The following RAB38 variants were observed in gnomAD, a reference collection of about 807,000 sequenced individuals.
RAB38 encodes the protein ras-related protein Rab-38.
RAB38 carries 15 observed loss-of-function variants against 18.4 expected under a neutral mutation model. The observed-to-expected ratio is 0.82, with a 90% CI of 0.55 to 1.26. The LOEUF (loss-of-function observed/expected upper bound fraction) is 1.26. RAB38 is among the 50% of genes most tolerant of loss of function. The pLI, the probability that RAB38 is intolerant of heterozygous loss-of-function variation, is 0.00. For missense variants in RAB38, 294 were observed against 267.4 expected (o/e 1.10, Z -0.69); for synonymous variants, 101 against 104.4 (o/e 0.97, Z 0.20).
chr11:88,022,832 G>C, the RAB38 span, among the ~76,000 whole-genome samples: 4 of 151,998 alleles, frequency 2.6e-5, no homozygotes, highest in South Asian at 2.1e-4. Context: ...TTACTATTGT[G>C]AACAGTGCTG....
At chr11:88,038,364 G>C in the RAB38 span, among the ~76,000 whole-genome samples, 485 of 152,262 alleles carry the variant, frequency 3.2e-3, 3 homozygotes, top group Middle Eastern at 0.014. Flanking sequence ...CAATTGCAAT[G>C]TTGATTTTTA....
At chr11:87,893,276 T>C in the RAB38 span, among the ~76,000 whole-genome samples, 1 of 126,172 alleles carries the variant, frequency 7.9e-6, no homozygotes, top group African/African-American at 2.9e-5. Context: ...GTGTCCTTTT[T>C]TTCCAGATTT....
At chr11:87,880,638 G>T in the RAB38 span, among the ~76,000 whole-genome samples, 1 of 151,804 alleles carries the variant, frequency 6.6e-6, no homozygotes, top group Non-Finnish European at 1.5e-5. Flanking sequence ...TTCAGTGAGA[G>T]CAGAAAGAAT....
the RAB38 span, among the ~76,000 whole-genome samples, chr11:87,854,822 T>G: frequency 6.6e-6 from 1 of 152,066 alleles, no homozygotes; most frequent in African/African-American, 2.4e-5. Context: ...TGAGATGGAG[T>G]CTGGCTCTGT....
the RAB38 span, among the ~76,000 whole-genome samples, chr11:87,941,214 GATATATATATATAT>G: frequency 5.9e-4 from 37 of 62,556 alleles, 4 homozygotes; most frequent in Admixed American, 2.8e-3. Flanking sequence ...AAATATATGA[GATATATATATATAT>G]ATATATATAT....
chr11:88,152,576 C>A (rs1943076304), intron 1 of RAB38, among the ~76,000 whole-genome samples: 1 of 152,092 alleles, frequency 6.6e-6, no homozygotes, highest in South Asian at 2.1e-4. Context: ...TTTTGGCATT[C>A]CAGCAAGAGG....
chr11:87,830,220 C>G, the RAB38 span, among the ~76,000 whole-genome samples: 5 of 152,072 alleles, frequency 3.3e-5, no homozygotes, highest in Non-Finnish European at 5.9e-5. Context: ...GTGACTCATG[C>G]CTATAATCCC....
chr11:87,968,621 G>A, the RAB38 span, among the ~76,000 whole-genome samples: 6 of 152,248 alleles, frequency 3.9e-5, no homozygotes, highest in East Asian at 5.8e-4. Flanking sequence ...GAGCTTGCAC[G>A]ACAGTGGAGT....
At chr11:88,014,152 G>A in the RAB38 span, among the ~76,000 whole-genome samples, 1 of 152,138 alleles carries the variant, frequency 6.6e-6, no homozygotes, top group African/African-American at 2.4e-5. Flanking sequence ...TAATCTGTAT[G>A]CCAGGTCTTA....
chr11:88,165,786 C>T (rs1196048807), intron 1 of RAB38: 1 of 152,086 alleles, frequency 6.6e-6, no homozygotes. Context: ...GGTGTTTCTT[C>T]TTCTCTACTT....
the RAB38 span, among the ~76,000 whole-genome samples, chr11:87,969,841 A>G: frequency 1.2e-4 from 18 of 152,266 alleles, no homozygotes; most frequent in African/African-American, 4.1e-4. Context: ...GTGGTGACAC[A>G]ACAGTGGATT....
chr11:88,142,537 T>G (rs1359291500), intron 2 of RAB38, among the ~76,000 whole-genome samples: 1 of 152,222 alleles, frequency 6.6e-6, no homozygotes, highest in African/African-American at 2.4e-5. Flanking sequence ...GAAAAATGTA[T>G]TGGAGTCAGG....
chr11:87,953,371 A>G, the RAB38 span, among the ~76,000 whole-genome samples: 1 of 151,734 alleles, frequency 6.6e-6, no homozygotes, highest in South Asian at 2.1e-4. Flanking sequence ...TTTAGTCATA[A>G]AACAAGTGCC....
chr11:88,074,290 G>A, the RAB38 span, among the ~76,000 whole-genome samples: 131 of 152,252 alleles, frequency 8.6e-4, no homozygotes, highest in African/African-American at 3.1e-3. Flanking sequence ...TAACTCTACT[G>A]TGAAACCCAA....
chr11:88,089,841 T>A, the RAB38 span, among the ~76,000 whole-genome samples: 1 of 151,896 alleles, frequency 6.6e-6, no homozygotes, highest in Non-Finnish European at 1.5e-5. Context: ...ATTTTAAGGG[T>A]TGATATGAAA....
At chr11:87,841,555 C>G in the RAB38 span, among the ~76,000 whole-genome samples, 4,454 of 152,244 alleles carry the variant, frequency 0.029, 137 homozygotes, top group African/African-American at 0.076. Context: ...GGTATCCCTT[C>G]CAGCAGAAGA....
the RAB38 span, among the ~76,000 whole-genome samples, chr11:88,052,539 G>A: frequency 5.4e-4 from 82 of 151,890 alleles, no homozygotes; most frequent in Middle Eastern, 3.4e-3. Flanking sequence ...CTTAGGTCTT[G>A]TTCATATGCT....
At chr11:87,893,822 G>C in the RAB38 span, among the ~76,000 whole-genome samples, 5 of 151,568 alleles carry the variant, frequency 3.3e-5, no homozygotes, top group Non-Finnish European at 7.4e-5. Flanking sequence ...AAAAACTTTG[G>C]GGTAGTATAT....
At chr11:88,015,200 C>T in the RAB38 span, among the ~76,000 whole-genome samples, 2 of 152,064 alleles carry the variant, frequency 1.3e-5, no homozygotes, top group African/African-American at 2.4e-5. Context: ...ATCTATCTAA[C>T]CAGCTATACA....
Sources: gnomAD v4.1 joint callset for allele counts (sites outside exome capture counted in the v4.1 genomes callset) on GRCh38, gnomAD v4.1.1 for gene constraint, MANE v1.5 for transcripts, NCBI Gene and HGNC (gene_info 2026-07-23, HGNC 2026-07-21) for gene names.